ZNF799: variants seen among roughly 807,000 people sequenced by gnomAD.
The protein encoded by ZNF799 is zinc finger protein 14.
Under a neutral mutation model 41.0 loss-of-function variants are expected in ZNF799, and 28 were observed. The observed-to-expected ratio is 0.68, with a 90% CI of 0.51 to 0.94. The LOEUF is 0.94. Ranked by LOEUF, ZNF799 falls within the 40% of genes least tolerant of loss-of-function variation. The pLI is 0.00. For missense variants in ZNF799, 716 were observed against 764.3 expected (o/e 0.94, Z 0.74); for synonymous variants, 213 against 252.9 (o/e 0.84, Z 1.50).
chr19:12,394,282 T>G (rs1415403197), intron 1 of ZNF799: 2 of 152,368 alleles, frequency 1.3e-5, no homozygotes, highest in African/African-American at 4.8e-5. Flanking sequence ...GCAAGAAGGT[T>G]CTCACCAGAT....
At chr19:12,399,844 C>A (rs1311664294) in intron 1 of ZNF799, among the ~76,000 whole-genome samples, 2 of 152,068 alleles carry the variant, frequency 1.3e-5, no homozygotes, top group African/African-American at 4.8e-5. Context: ...GAGACAAGGT[C>A]TTGCCATGTT....
chr19:12,395,552 AAC>A (rs1486509224), intron 1 of ZNF799, among the ~76,000 whole-genome samples: 1 of 152,218 alleles, frequency 6.6e-6, no homozygotes, highest in African/African-American at 2.4e-5. Flanking sequence ...CAACTGGAAG[AAC>A]AGACTATGAT....
chr19:12,400,168 A>G (rs1440485016), intron 1 of ZNF799, among the ~76,000 whole-genome samples: 3 of 152,206 alleles, frequency 2.0e-5, no homozygotes, highest in South Asian at 4.2e-4. Context: ...AGACCCTGCT[A>G]ACCACATCTT....
At chr19:12,407,001 C>T in the ZNF799 span, among the ~76,000 whole-genome samples, 1 of 152,158 alleles carries the variant, frequency 6.6e-6, no homozygotes, top group Admixed American at 6.5e-5. Context: ...TACAGGTGTT[C>T]AACAGTTGTG....
At chr19:12,406,825 C>T in the ZNF799 span, among the ~76,000 whole-genome samples, 3 of 149,760 alleles carry the variant, frequency 2.0e-5, no homozygotes, top group African/African-American at 4.9e-5. Context: ...GCGTGAACCC[C>T]GGAGGCGGAG....
chr19:12,391,610 G>A lies in ZNF799; in HGVS notation c.788C>T (p.Pro263Leu), dbSNP rs766269587. 2 of 1,613,556 alleles carry A rather than the reference G, an allele frequency of 1.2e-6. No individual in the cohort carries two copies. The highest frequency in any genetic ancestry group is 8.5e-7 in the Non-Finnish European group (1 of 1,179,636). Reference protein sequence around the residue: ...YECKQCSKAFPDYSSCLRHER... With the variant: ...YECKQCSKAFLDYSSCLRHER... ...ATGTCTTAGACAAGAACTGTAATCAGGGAAGGCTTTAGAACACTGTTTACA... is the reference window on the plus strand; with the variant it reads ...ATGTCTTAGACAAGAACTGTAATCAAGGAAGGCTTTAGAACACTGTTTACA... Residue 263 changes from proline (P) to leucine (L), a missense_variant, in exon 4 of 4, where the codon CCT (proline) becomes CTT (leucine). By Grantham distance (98) the Pro-to-Leu change is moderately conservative (BLOSUM62 -3). This residue lies in a region of ZNF799 where 698 missense variants were observed against 713.6 expected (regional missense o/e 0.98). Coordinates refer to ENST00000430385, the MANE Select transcript of ZNF799 (RefSeq NM_001080821.3).
chr19:12,391,974 T>C lies in ZNF799; in HGVS notation c.424A>G (p.Thr142Ala). The change falls in exon 4 of 4, where the codon ACG becomes GCG. Residue 142 changes from threonine (T) to alanine (A), a missense_variant. By Grantham distance (58) the Thr-to-Ala change is moderately conservative (BLOSUM62 0). This residue lies in a region of ZNF799 where 698 missense variants were observed against 713.6 expected (regional missense o/e 0.98). Transcript: ENST00000430385. The stretch of plus-strand genomic sequence containing the variant: ...AAGGCTTTCCCACGTTGTTTATGCG[T>C]ATCTGGCTTCTCTCCACATTCATGA... ...EYHECGEKPD[T>A]HKQRGKAFSY... 1.2e-6 allele frequency: 2 copies of C among 1,614,236 alleles called. No homozygotes were observed. The highest frequency in any genetic ancestry group is 1.7e-6 in the Non-Finnish European group (2 of 1,180,032).
the ZNF799 span, among the ~76,000 whole-genome samples, chr19:12,413,370 A>G: frequency 3.9e-5 from 6 of 152,146 alleles, no homozygotes; most frequent in South Asian, 8.3e-4. Context: ...AACACATCCA[A>G]ATTTGCTGGT....
upstream of ZNF799, among the ~76,000 whole-genome samples, chr19:12,402,416 C>CTTTTTTTTT (rs745521629): frequency 1.3e-4 from 16 of 125,012 alleles, no homozygotes; most frequent in Admixed American, 2.6e-4. Context: ...CCCTTTATTT[C>CTTTTTTTTT]TTTTTTTTTT....
the ZNF799 span, among the ~76,000 whole-genome samples, chr19:12,411,650 T>C: frequency 6.6e-6 from 1 of 152,106 alleles, no homozygotes; most frequent in Admixed American, 6.5e-5. Flanking sequence ...ACTCACTCTG[T>C]TGTCCAGGCT....
chr19:12,400,221 A>G (rs1157126576), intron 1 of ZNF799: 1 of 152,368 alleles, frequency 6.6e-6, no homozygotes, highest in Non-Finnish European at 1.5e-5. Context: ...GAAAGAAAGA[A>G]GGGACTGAGG....
chr19:12,390,887 T>C lies in ZNF799; in HGVS notation c.1511A>G (p.Tyr504Cys), dbSNP rs1445263357. The C allele has an allele frequency of 1.2e-6, 2 of 1,614,120 alleles. No individual in the cohort carries two copies. Among genetic ancestry groups the C allele is most frequent in the Admixed American group, 1.7e-5 (1 of 60,026 alleles). ...GGCTTTCTTACATGTGTTACACTCA[T>C]AAGGTTTCTCTCCTGTGTGAGTCCT... ...HRRTHTGEKP[Y>C]ECNTCKKAFS... Residue 504 changes from tyrosine to cysteine, a missense_variant, in exon 4 of 4, where the codon TAT becomes TGT. Tyr to Cys is a radical substitution (Grantham distance 194, BLOSUM62 -2). This residue lies in a region of ZNF799 where 698 missense variants were observed against 713.6 expected (regional missense o/e 0.98). Coordinates refer to ENST00000430385, the MANE Select transcript of ZNF799 (RefSeq NM_001080821.3).
At position 12,391,025 on chromosome 19, in the gene ZNF799, A is replaced by G. The variant is rs1190109989; in HGVS notation, c.1373T>C (p.Ile458Thr). The G allele has an allele frequency of 5.0e-6, 8 of 1,614,044 alleles. No individual in the cohort carries two copies. Among genetic ancestry groups the G allele is most frequent in the Non-Finnish European group, 6.8e-6 (8 of 1,180,028 alleles). Residue 458 changes from isoleucine to threonine, a missense_variant, in exon 4 of 4, where the codon ATT (isoleucine) becomes ACT (threonine). Physicochemically the swap from Ile to Thr is moderately conservative, Grantham distance 89 (BLOSUM62 -1). Transcript: ENST00000430385. ...GTGATTTTGAAAGGAATAGAAATCA[A>G]TAAAGGCTTTCCCACATTTGCATTT... is the stretch of plus-strand genomic sequence containing the variant. Reference protein sequence around the residue: ...PYKCKCGKAFIDFYSFQNHKT... With the variant: ...PYKCKCGKAFTDFYSFQNHKT...
At chr19:12,411,760 G>A in the ZNF799 span, among the ~76,000 whole-genome samples, 1 of 151,876 alleles carries the variant, frequency 6.6e-6, no homozygotes, top group Non-Finnish European at 1.5e-5. Flanking sequence ...CTACAGATGC[G>A]CACCACCACA....
intron 3 of ZNF799, 147 bp from the exon 4 acceptor site, chr19:12,392,353 C>T: frequency 1.6e-6 from 2 of 1,252,492 alleles, no homozygotes; most frequent in South Asian, 3.1e-5. Flanking sequence ...GAATGCTGTG[C>T]AAGGTAACTC....
chr19:12,395,903 G>A (rs1335439083), intron 1 of ZNF799, among the ~76,000 whole-genome samples: 1 of 152,214 alleles, frequency 6.6e-6, no homozygotes, highest in Non-Finnish European at 1.5e-5. Flanking sequence ...CTAGCTTCTA[G>A]CATTCAGGAA....
At chr19:12,400,898 G>C (rs1969970923) in intron 1 of ZNF799, 170 bp downstream of exon 1, 1 of 1,237,398 alleles carries the variant, frequency 8.1e-7, no homozygotes, top group Non-Finnish European at 1.1e-6. Context: ...CCGGGGTCCC[G>C]GCTGCATGCC....
chr19:12,397,626 T>C (rs979463213), intron 1 of ZNF799, among the ~76,000 whole-genome samples: 19 of 146,920 alleles, frequency 1.3e-4, no homozygotes, highest in Non-Finnish European at 2.6e-4. Flanking sequence ...TACCATACTA[T>C]TAGAAGAAAA....
Position 12,391,443 on chromosome 19 carries a change from G to C in ZNF799, c.955C>G (p.His319Asp), listed in dbSNP as rs1315890971. The part of the protein sequence containing the change: ...YACQQCGKAF[H>D]HLGSFQRHMV... ...TGTCTTTGAAAGCTTCCCAGATGAT[G>C]AAACGCTTTCCCACATTGCTGACAT... is the stretch of plus-strand genomic sequence containing the variant. Residue 319 changes from histidine (H) to aspartate (D), a missense_variant, in exon 4 of 4, where the codon CAT (histidine) becomes GAT (aspartate). By Grantham distance (81) the His-to-Asp change is moderately conservative. Coordinates refer to ENST00000430385, the MANE Select transcript of ZNF799 (RefSeq NM_001080821.3). The C allele has an allele frequency of 3.7e-6, 6 of 1,613,608 alleles. No individual in the cohort carries two copies. The African/African-American group carries it at 8.0e-5, about 22-fold the overall frequency.
Sources: allele counts gnomAD v4.1 joint callset (sites outside exome capture counted in the v4.1 genomes callset), GRCh38; gene constraint gnomAD v4.1.1; regional missense constraint gnomAD v4.1.1; transcripts MANE v1.5; gene names NCBI Gene and HGNC (gene_info 2026-07-23, HGNC 2026-07-21).